SSX7: variants seen among roughly 807,000 people sequenced by gnomAD.
SSX7 encodes SSX family member 7.
A neutral mutation model predicts 14.7 loss-of-function variants in SSX7; 15 were observed. That is an observed-to-expected ratio of 1.02 (90% CI 0.68 to 1.58). The LOEUF is 1.58. Ranked by LOEUF, SSX7 falls within the 40% of genes most tolerant of loss-of-function variation. SSX7 has a pLI of 0.00. For synonymous variants in SSX7, 46 were observed against 50.6 expected, an observed-to-expected ratio of 0.91 and a Z score of 0.38; for missense variants, 178 against 146.8, an observed-to-expected ratio of 1.21 and a Z score of -1.10.
chrX:52,652,306 C>A lies in SSX7; in HGVS notation c.226G>T (p.Ala76Ser). ...AAATCATTCCCCTGGAGGTCTGTGGCCCCTGTATTATGCATGAAAGGTGGG... is the reference window on the plus strand; with the variant it reads ...AAATCATTCCCCTGGAGGTCTGTGGACCCTGTATTATGCATGAAAGGTGGG... Reference protein sequence around the residue: ...TLPPFMHNTGATDLQGNDFDN... With the variant: ...TLPPFMHNTGSTDLQGNDFDN... The change falls in exon 4 of 8, where the codon GCC (alanine) becomes TCC (serine). Residue 76 changes from alanine to serine, a missense_variant. By Grantham distance (99) the Ala-to-Ser change is moderately conservative. Transcript: ENST00000298181. 5.0e-6 allele frequency: 6 copies of A among 1,209,211 alleles called. No homozygotes were observed. The highest frequency in any genetic ancestry group is 6.7e-6 in the Non-Finnish European group (6 of 894,215).
At chrX:52,654,177 G>A (rs1192694624) in intron 1 of SSX7, among the ~76,000 whole-genome samples, 3 of 109,339 alleles carry the variant, frequency 2.7e-5, no homozygotes, top group Admixed American at 1.0e-4. Context: ...CAAGGAGGGC[G>A]GATCGCTTGA....
intron 2 of SSX7, 60 bp from the exon 3 acceptor site, chrX:52,653,044 G>T (rs5986186): frequency 0.027 from 31,629 of 1,182,887 alleles, 334 homozygotes; most frequent in Middle Eastern, 0.072. Flanking sequence ...CTGCCATTCA[G>T]CTGGAGCCCC....
At chrX:52,651,479 C>T (rs1301541871) in intron 4 of SSX7, among the ~76,000 whole-genome samples, 2 of 111,980 alleles carry the variant, frequency 1.8e-5, no homozygotes, top group Non-Finnish European at 3.8e-5. Context: ...AGAAATATTT[C>T]AAACACACAG....
intron 1 of SSX7, 119 bp from the exon 2 acceptor site, chrX:52,653,611 T>G (rs1264326353): frequency 1.1e-6 from 1 of 883,215 alleles, no homozygotes; most frequent in Non-Finnish European, 1.6e-6. Flanking sequence ...TTTCTCCATC[T>G]GGGGCTTATC....
At chrX:52,654,375 T>TTTG (rs1925538395) in intron 1 of SSX7, among the ~76,000 whole-genome samples, 2 of 92,534 alleles carry the variant, frequency 2.2e-5, no homozygotes, top group South Asian at 6.0e-4. Flanking sequence ...TTTTTTTTTT[T>TTTG]TTTTTTTTTT....
chrX:52,649,132 A>C, intron 5 of SSX7, among the ~76,000 whole-genome samples: 1 of 111,356 alleles, frequency 9.0e-6, no homozygotes. Context: ...TCCTGTGTTT[A>C]AGTGACTCAT....
chrX:52,651,169 C>T (rs185374264), intron 4 of SSX7, among the ~76,000 whole-genome samples: 1 of 112,041 alleles, frequency 8.9e-6, no homozygotes, highest in East Asian at 2.8e-4. Flanking sequence ...TGAGGGATCA[C>T]TCTTTCAAAC....
intron 4 of SSX7, 45 bp downstream of exon 4, chrX:52,652,207 G>T: frequency 1.9e-6 from 2 of 1,038,880 alleles, no homozygotes; most frequent in South Asian, 3.8e-5. Flanking sequence ...CTGAAAAGCA[G>T]CTGGGCTTGA....
At chrX:52,654,364 G>GTTTTTTTT (rs1352091546) in intron 1 of SSX7, among the ~76,000 whole-genome samples, 4 of 60,920 alleles carry the variant, frequency 6.6e-5, no homozygotes, top group Non-Finnish European at 8.3e-5. Context: ...ATTTGAGTGA[G>GTTTTTTTT]TTTTTTTTTT....
chrX:52,653,957 T>G (rs1419062493), intron 1 of SSX7, among the ~76,000 whole-genome samples: 1 of 109,982 alleles, frequency 9.1e-6, no homozygotes, highest in East Asian at 2.8e-4. Flanking sequence ...GGATAGGGGG[T>G]TCTGTTCTGT....
rs1234669095 is a variant in SSX7 at position 52,649,481 on chromosome X, G to A, written c.330+872C>T. Among the ~76,000 whole-genome samples, 12 of 111,514 alleles carry A rather than the reference G, an allele frequency of 1.1e-4. No individual in the cohort carries two copies. In the South Asian group the frequency reaches 1.5e-3, roughly 14 times the overall value. On this transcript the variant is annotated intron_variant, in intron 5 of 7. Transcript: ENST00000298181. ...CCTTTCATGATCCTTCCTTCAATTC[G>A]GTCTCCACACTAGCAACCCAACTCC...
chrX:52,648,551 T>TA (rs1412309387), intron 5 of SSX7, among the ~76,000 whole-genome samples, 155 bp from the exon 6 acceptor site: 1 of 111,832 alleles, frequency 8.9e-6, no homozygotes, highest in East Asian at 2.8e-4. Context: ...CCTGGGAAGT[T>TA]AGACGGGAAA....
rs782463353 is a variant in SSX7 at position 52,652,951 on chromosome X, T to C, written c.103A>G (p.Lys35Glu). 11 of 1,201,077 alleles carry C rather than the reference T, an allele frequency of 9.2e-6. No individual in the cohort carries two copies. The highest frequency in any genetic ancestry group is 1.2e-5 in the Non-Finnish European group (11 of 889,248). Residue 35 changes from lysine (K) to glutamate (E), a missense_variant, in exon 3 of 8, where the codon AAA (lysine) becomes GAA (glutamate). Physicochemically the swap from Lys to Glu is moderately conservative, Grantham distance 56. Transcript: ENST00000298181. ...FDDIAKYFSK[K>E]EWEKMKSLEK... Reference sequence around the variant, plus strand: ...AAGGATTTCATCTTTTCCCACTCTTTCTTAGAGAAGTATTTGGCAATATCA... The same window carrying C: ...AAGGATTTCATCTTTTCCCACTCTTCCTTAGAGAAGTATTTGGCAATATCA...
At chrX:52,654,522 C>T (rs781835848) in intron 1 of SSX7, among the ~76,000 whole-genome samples, 5 of 107,838 alleles carry the variant, frequency 4.6e-5, no homozygotes, top group Non-Finnish European at 7.6e-5. Flanking sequence ...CGTGAGCCAC[C>T]GTACCCGGCC....
rs1482287159 is a variant in SSX7 at position 52,644,604 on chromosome X, A to G, written c.*71T>C. 31 of 1,191,103 alleles carry G rather than the reference A, an allele frequency of 2.6e-5. No homozygotes were observed. Among genetic ancestry groups the G allele is most frequent in the Non-Finnish European group, 3.0e-5 (27 of 891,117 alleles). On this transcript the variant is annotated 3_prime_UTR_variant, in exon 8 of 8. Transcript: ENST00000298181. Reference sequence around the variant, plus strand: ...ACCTGATGACGAGGGGTCCGCAGCCATGCCCATGTTCGTGAAAGGTCACCA... The same window carrying G: ...ACCTGATGACGAGGGGTCCGCAGCCGTGCCCATGTTCGTGAAAGGTCACCA...
At chrX:52,646,570 C>G (rs1556766361) in intron 6 of SSX7, among the ~76,000 whole-genome samples, 1 of 111,813 alleles carries the variant, frequency 8.9e-6, no homozygotes, top group African/African-American at 3.3e-5. Context: ...TGACAATAAT[C>G]ACCCTGTTCT....
chrX:52,650,605 G>T (rs1394717542), intron 4 of SSX7, among the ~76,000 whole-genome samples: 12 of 112,019 alleles, frequency 1.1e-4, no homozygotes, highest in Admixed American at 5.7e-4. Context: ...CCATCTCATG[G>T]TTTATCAAAT....
intron 6 of SSX7, among the ~76,000 whole-genome samples, chrX:52,647,376 A>G (rs1925282802): frequency 8.9e-6 from 1 of 112,747 alleles, no homozygotes; most frequent in Non-Finnish European, 1.9e-5. Context: ...ATAGCCTTCT[A>G]TTGGAAGGAG....
chrX:52,653,202 C>T, intron 2 of SSX7: 32 of 754,223 alleles, frequency 4.2e-5, no homozygotes, highest in Non-Finnish European at 5.0e-5. Context: ...GACTGAGATT[C>T]ACCAAATGTA....
Sources: gnomAD v4.1 joint callset for allele counts (sites outside exome capture counted in the v4.1 genomes callset) on GRCh38, gnomAD v4.1.1 for gene constraint, MANE v1.5 for transcripts, NCBI Gene and HGNC (gene_info 2026-07-23, HGNC 2026-07-21) for gene names.